The following CDH12 variants were observed in gnomAD, a reference collection of about 807,000 sequenced individuals.
The protein encoded by CDH12 is cadherin 12.
A neutral mutation model predicts 74.1 loss-of-function variants in CDH12; 41 were observed. The ratio of observed to expected loss-of-function variants is 0.55; its 90% CI spans 0.43 to 0.72. The LOEUF (loss-of-function observed/expected upper bound fraction) is 0.72. Among genes scored for constraint, CDH12 ranks in the 30% least tolerant of loss-of-function variants. The pLI is 0.00. For missense variants in CDH12, 945 were observed against 977.2 expected, an observed-to-expected ratio of 0.97 and a Z score of 0.44; for synonymous variants, 399 against 355.0, an observed-to-expected ratio of 1.12 and a Z score of -1.39.
chr5:22,061,102 A>G (rs1028335504), intron 5 of CDH12, among the ~76,000 whole-genome samples: 4 of 152,222 alleles, frequency 2.6e-5, no homozygotes, highest in Non-Finnish European at 5.9e-5. Context: ...AAAATGCAAC[A>G]GCACTCTTTA....
At chr5:21,844,173 T>G (rs1401653274) in intron 7 of CDH12, among the ~76,000 whole-genome samples, 1 of 152,092 alleles carries the variant, frequency 6.6e-6, no homozygotes, top group Non-Finnish European at 1.5e-5. Context: ...AAAGATCGTC[T>G]TTTCCCAAGA....
In CDH12 at chr5:22,641,753, C is replaced by G. The variant is rs143319442; in HGVS notation, c.-522-136389G>C. 3.6e-3 allele frequency among the ~76,000 whole-genome samples: 552 copies of G among 152,282 alleles called. 1 individual carries two copies. Among genetic ancestry groups the G allele is most frequent in the African/African-American group, 0.01 (425 of 41,558 alleles). ...TTCAAATATCAATGAGTGGCTTATA[C>G]TAAAAAGATATCTTAAAATTTTTAT... On this transcript the variant is annotated intron_variant, in intron 1 of 14. Coordinates refer to ENST00000382254, the MANE Select transcript of CDH12 (RefSeq NM_004061.5).
intron 9 of CDH12, among the ~76,000 whole-genome samples, chr5:21,812,651 TAA>T (rs1489804271): frequency 8.5e-5 from 13 of 152,312 alleles, no homozygotes; most frequent in African/African-American, 2.9e-4. Flanking sequence ...ACATTTTTAT[TAA>T]GTCATACTAT....
At chr5:21,821,641 G>T (rs966201516) in intron 8 of CDH12, among the ~76,000 whole-genome samples, 1 of 151,752 alleles carries the variant, frequency 6.6e-6, no homozygotes, top group African/African-American at 2.4e-5. Flanking sequence ...ATATTGGAGG[G>T]CTTAAGAACA....
chr5:22,568,756 C>T (rs1375880055), intron 1 of CDH12, among the ~76,000 whole-genome samples: 1 of 152,128 alleles, frequency 6.6e-6, no homozygotes, highest in African/African-American at 2.4e-5. Context: ...GAGCCACATA[C>T]ATTTTTTGGT....
At position 21,917,146 on chromosome 5, in the gene CDH12, A is replaced by C. The variant is rs141229166; in HGVS notation, c.526+57945T>G. 2.0e-5 allele frequency among the ~76,000 whole-genome samples: 3 copies of C among 152,226 alleles called. No homozygotes were observed. In the East Asian group the frequency reaches 5.8e-4, roughly 29 times the overall value. ...GAACTCTCTGAACTTCAAGCTCCTC[A>C]ATATACCAGTCATCTTTCCTAAGCT... is the stretch of plus-strand genomic sequence containing the variant. On this transcript the variant is annotated intron_variant, in intron 6 of 14. Coordinates refer to ENST00000382254, the MANE Select transcript of CDH12 (RefSeq NM_004061.5).
intron 3 of CDH12, among the ~76,000 whole-genome samples, chr5:22,290,213 C>A (rs558802066): frequency 6.6e-6 from 1 of 152,242 alleles, no homozygotes; most frequent in African/African-American, 2.4e-5. Context: ...GACATCTACA[C>A]ATTACCATAA....
chr5:21,882,960 G>A (rs1208510295), intron 6 of CDH12: 2 of 1,599,384 alleles, frequency 1.3e-6, no homozygotes, highest in Admixed American at 3.3e-5. Context: ...AGGCTCTATA[G>A]CCAAGGAAGG....
chr5:22,001,712 C>T (rs1580094114), intron 5 of CDH12, among the ~76,000 whole-genome samples: 1 of 151,934 alleles, frequency 6.6e-6, no homozygotes. Context: ...ACTGCATATA[C>T]TTTTTGCTGC....
At chr5:22,135,208 GC>G (rs1425999428) in intron 4 of CDH12, among the ~76,000 whole-genome samples, 787 of 52,614 alleles carry the variant, frequency 0.015, 9 homozygotes, top group African/African-American at 0.048. Flanking sequence ...GAACACATAA[GC>G]AAAAAAAAAA....
chr5:21,886,945 G>T (rs1355461607), intron 6 of CDH12, among the ~76,000 whole-genome samples: 4 of 152,088 alleles, frequency 2.6e-5, no homozygotes, highest in Admixed American at 1.3e-4. Flanking sequence ...GAGAGTCATG[G>T]AGACAATAGT....
intron 1 of CDH12, among the ~76,000 whole-genome samples, chr5:22,628,966 A>G (rs745661056): frequency 1.3e-4 from 20 of 152,000 alleles, no homozygotes; most frequent in Admixed American, 2.6e-4. Flanking sequence ...AGACACTATC[A>G]TGAAAAACTC....
intron 9 of CDH12, among the ~76,000 whole-genome samples, chr5:21,803,599 G>A (rs1747259792): frequency 6.6e-6 from 1 of 152,142 alleles, no homozygotes; most frequent in African/African-American, 2.4e-5. Context: ...GAAATATGGT[G>A]CTGCTGTGGT....
At chr5:22,486,197 C>G (rs918007068) in intron 2 of CDH12, among the ~76,000 whole-genome samples, 1 of 152,156 alleles carries the variant, frequency 6.6e-6, no homozygotes, top group African/African-American at 2.4e-5. Flanking sequence ...CCTTTCTCCT[C>G]TGAAACATAG....
At chr5:21,855,685 C>A (rs1231547185) in intron 6 of CDH12, among the ~76,000 whole-genome samples, 1 of 151,244 alleles carries the variant, frequency 6.6e-6, no homozygotes, top group Admixed American at 6.6e-5. Flanking sequence ...CGTGTACATC[C>A]AAAGTTATGC....
At position 22,041,759 on chromosome 5, in the gene CDH12, G is replaced by C. The variant is rs114048753; in HGVS notation, c.231+36687C>G. 6.1e-3 allele frequency among the ~76,000 whole-genome samples: 923 copies of C among 152,214 alleles called. 2 individuals are homozygous for C. Among genetic ancestry groups the C allele is most frequent in the African/African-American group, 0.021 (887 of 41,536 alleles). ...TAGCAGTGGTCAGAACAATCAGACA[G>C]AGAAGTAATGAGGAAATACTGCAAT... On this transcript the variant is annotated intron_variant, in intron 5 of 14. Coordinates refer to ENST00000382254, the MANE Select transcript of CDH12 (RefSeq NM_004061.5).
At chr5:22,755,569 AAAAT>A (rs1323319022) in intron 1 of CDH12, among the ~76,000 whole-genome samples, 1 of 152,150 alleles carries the variant, frequency 6.6e-6, no homozygotes, top group Non-Finnish European at 1.5e-5. Context: ...TGTATGAAGA[AAAAT>A]AAAGCCAATA....
intron 4 of CDH12, among the ~76,000 whole-genome samples, chr5:22,149,347 C>T (rs1747420001): frequency 6.6e-6 from 1 of 152,170 alleles, no homozygotes. Flanking sequence ...CAGCACTAAA[C>T]TACATCCTAC....
chr5:22,307,716 C>T (rs1242638508), intron 3 of CDH12, among the ~76,000 whole-genome samples: 2 of 151,822 alleles, frequency 1.3e-5, no homozygotes, highest in African/African-American at 4.8e-5. Context: ...AGTCTTCTTG[C>T]ATATTAATTT....
Sources: allele counts gnomAD v4.1 joint callset (sites outside exome capture counted in the v4.1 genomes callset), GRCh38; gene constraint gnomAD v4.1.1; transcripts MANE v1.5; gene names NCBI Gene and HGNC (gene_info 2026-07-23, HGNC 2026-07-21).